The following PALM variants were observed in gnomAD, a reference collection of about 807,000 sequenced individuals.
The protein encoded by PALM is paralemmin, also known as paralemmin-1.
Under a neutral mutation model 30.7 loss-of-function variants are expected in PALM, and 18 were observed. That is an observed-to-expected ratio of 0.59 (90% CI 0.41 to 0.87). The LOEUF (loss-of-function observed/expected upper bound fraction) is 0.87. Among genes scored for constraint, PALM ranks in the 40% least tolerant of loss-of-function variants. The probability of loss-of-function intolerance (pLI) is 0.00; values close to 1 mark genes in which losing one functional copy is unlikely to be tolerated. For missense variants in PALM, 529 were observed against 555.4 expected (o/e 0.95, Z 0.48); for synonymous variants, 286 against 242.8 (o/e 1.18, Z -1.66).
chr19:716,988 G>T (rs2032284598), intron 1 of PALM, among the ~76,000 whole-genome samples: 1 of 151,632 alleles, frequency 6.6e-6, no homozygotes, highest in Admixed American at 6.6e-5. Context: ...GGAGTGCAGT[G>T]ACGTAATCCC....
Position 746,882 on chromosome 19 carries a change from C to A in PALM, c.*68C>A. 1 of 891,768 alleles carries A rather than the reference C, an allele frequency of 1.1e-6. No homozygotes were observed. Among genetic ancestry groups the A allele is most frequent in the South Asian group, 1.7e-5 (1 of 58,620 alleles). 55.2% of individuals were successfully genotyped at this position (891,768 alleles called of 1,614,324 possible). ...CCCACCAGCCCGGCCCCTCCCGGCG[C>A]CTGCCCACCCTCCACCCACAGCCTC... is the stretch of plus-strand genomic sequence containing the variant. On this transcript the variant is annotated 3_prime_UTR_variant, in exon 9 of 9. Coordinates refer to ENST00000338448, the MANE Select transcript of PALM (RefSeq NM_002579.3). The surrounding 1 kb of genome is among the most constrained non-coding windows in gnomAD (Gnocchi z 7.1).
intron 4 of PALM, among the ~76,000 whole-genome samples, chr19:728,230 A>G (rs1283779831): frequency 1.3e-5 from 2 of 152,106 alleles, no homozygotes; most frequent in Non-Finnish European, 2.9e-5. Context: ...GGGGGCTGGG[A>G]CCAAAGGCCT....
At chr19:739,352 G>T (rs2033119031) in intron 7 of PALM, among the ~76,000 whole-genome samples, 1 of 152,142 alleles carries the variant, frequency 6.6e-6, no homozygotes, top group Non-Finnish European at 1.5e-5. Flanking sequence ...CCCGGGCAAG[G>T]CAGGATCTCT....
intron 1 of PALM, among the ~76,000 whole-genome samples, chr19:720,257 C>T (rs1185664451): frequency 1.3e-5 from 2 of 151,872 alleles, no homozygotes; most frequent in African/African-American, 2.4e-5. Context: ...GCGGTTGCCA[C>T]GGCGACCGCC....
rs541240594 is a variant in PALM at position 742,709 on chromosome 19, C to T, written c.634+2226C>T. ...TGGGCGTGACGTCCCCAAGGTGCAT[C>T]GGCACTGTGGCCTGGGTCGGAGCCT... On this transcript the variant is annotated intron_variant, in intron 8 of 8. Transcript: ENST00000338448. The surrounding 1 kb of genome is among the most constrained non-coding windows in gnomAD (Gnocchi z 5.5). 7.9e-5 allele frequency among the ~76,000 whole-genome samples: 12 copies of T among 152,190 alleles called. No homozygotes were observed. The highest frequency in any genetic ancestry group is 2.6e-4 in the Admixed American group (4 of 15,294).
chr19:738,090 C>T (rs966961559), intron 7 of PALM, among the ~76,000 whole-genome samples: 4 of 152,060 alleles, frequency 2.6e-5, no homozygotes, highest in Non-Finnish European at 5.9e-5. Context: ...TGAGGAGAAA[C>T]GAGGTGTCAG....
intron 4 of PALM, among the ~76,000 whole-genome samples, chr19:730,845 C>G (rs1043737509): frequency 6.6e-6 from 1 of 151,954 alleles, no homozygotes; most frequent in African/African-American, 2.4e-5. Context: ...GCTAAAAATA[C>G]AAAAAATTAG....
At position 715,656 on chromosome 19, in the gene PALM, G is replaced by A. The variant is rs138831128; in HGVS notation, c.5+6505G>A. 2.2e-4 allele frequency among the ~76,000 whole-genome samples: 34 copies of A among 152,338 alleles called. No individual in the cohort carries two copies. The East Asian group carries it at 6.4e-3, about 29-fold the overall frequency. ...GTGCCAGGATGGGGAGTCATGGATAGTGTGTGAGCAGGGGAGGAGCAGTGG... is the reference window on the plus strand; with the variant it reads ...GTGCCAGGATGGGGAGTCATGGATAATGTGTGAGCAGGGGAGGAGCAGTGG... On this transcript the variant is annotated intron_variant, in intron 1 of 8. Coordinates refer to ENST00000338448, the MANE Select transcript of PALM (RefSeq NM_002579.3).
chr19:737,582 G>T (rs893704099), intron 7 of PALM, among the ~76,000 whole-genome samples: 2 of 152,094 alleles, frequency 1.3e-5, no homozygotes, highest in African/African-American at 4.8e-5. Flanking sequence ...TTCAACGTAA[G>T]AGGTGACGTC....
chr19:746,755 A>G lies in PALM; in HGVS notation c.1105A>G (p.Ser369Gly), dbSNP rs757005982. Residue 369 changes from serine (S) to glycine (G), a missense_variant, in exon 9 of 9, where the codon AGC (serine) becomes GGC (glycine). Transcript: ENST00000338448. This position sits in a 1 kb window ranked among gnomAD's most constrained non-coding sequence, Gnocchi z 7.1. ...TCAGGCGGGGCCCGAGGCCACCACC[A>G]GCGACCCCCAGGACCTCGACATGAA... ...ENQAGPEATT[S>G]DPQDLDMKKH... The G allele has an allele frequency of 6.3e-7, 1 of 1,595,282 alleles. No individual in the cohort carries two copies. The highest frequency in any genetic ancestry group is 1.7e-5 in the Admixed American group (1 of 58,364).
In PALM at chr19:726,531, G is replaced by T. The variant is rs561409517; in HGVS notation, c.57+342G>T. On this transcript the variant is annotated intron_variant, in intron 2 of 8. Transcript: ENST00000338448. ...ATCTTGGTGGCCTCTGGCCCAAGAA[G>T]GCCCTCTTGGTGTCCGCAGACCCCT... Among the ~76,000 whole-genome samples the T allele has an allele frequency of 3.3e-5, 5 of 152,302 alleles. No individual in the cohort carries two copies. The South Asian group carries it at 1.0e-3, about 32-fold the overall frequency.
At chr19:716,897 T>C (rs1320094962) in intron 1 of PALM, among the ~76,000 whole-genome samples, 12 of 152,094 alleles carry the variant, frequency 7.9e-5, no homozygotes, top group Admixed American at 7.9e-4. Context: ...CTGCTTAAAG[T>C]GTACAGCTCA....
chr19:740,243 G>A lies in PALM; in HGVS notation c.503-109G>A, dbSNP rs375128363. The A allele has an allele frequency of 3.1e-5, 35 of 1,139,326 alleles. No homozygotes were observed. The East Asian group carries it at 3.6e-4, about 12-fold the overall frequency. 70.6% of individuals were successfully genotyped at this position (1,139,326 alleles called of 1,614,324 possible). A position where few individuals can be genotyped will look rare whatever the true frequency, so the allele number is the denominator to read the frequency against. ...CATCCCCGGCTCCGCCTGCCCCATCGCTGCTTGGCTCTGCGCTGCTGGCTC... is the reference window on the plus strand; with the variant it reads ...CATCCCCGGCTCCGCCTGCCCCATCACTGCTTGGCTCTGCGCTGCTGGCTC... On this transcript the variant is annotated intron_variant, in intron 7 of 8. Transcript: ENST00000338448.
At position 746,857 on chromosome 19, in the gene PALM, C is replaced by G. The variant is rs1315171826; in HGVS notation, c.*43C>G. The G allele has an allele frequency of 8.1e-7, 1 of 1,242,164 alleles. No individual in the cohort carries two copies. Among genetic ancestry groups the G allele is most frequent in the Non-Finnish European group, 1.1e-6 (1 of 908,028 alleles). The allele number at this position is 1,242,164 out of a possible 1,614,324, so 76.9% of individuals were successfully genotyped here. ...CGGCCCCCACCCCACACCACAGACA[C>G]CCACCAGCCCGGCCCCTCCCGGCGC... On this transcript the variant is annotated 3_prime_UTR_variant, in exon 9 of 9. Coordinates refer to ENST00000338448, the MANE Select transcript of PALM (RefSeq NM_002579.3). The surrounding 1 kb of genome is among the most constrained non-coding windows in gnomAD (Gnocchi z 7.1).
intron 8 of PALM, among the ~76,000 whole-genome samples, chr19:745,491 T>G (rs572897011): frequency 2.0e-5 from 3 of 149,514 alleles, no homozygotes; most frequent in South Asian, 2.1e-4. Context: ...GTCAGGAGTT[T>G]GAGACCAGCC....
intron 1 of PALM, among the ~76,000 whole-genome samples, chr19:716,227 C>T (rs1343018921): frequency 6.6e-6 from 1 of 152,042 alleles, no homozygotes; most frequent in African/African-American, 2.4e-5. Flanking sequence ...GCCTGGTCAA[C>T]ATGGTGAAAC....
At position 746,720 on chromosome 19, in the gene PALM, G is replaced by A; in HGVS notation, c.1070G>A (p.Arg357Lys). 2 of 1,606,760 alleles carry A rather than the reference G, an allele frequency of 1.2e-6. No individual in the cohort carries two copies. The highest frequency in any genetic ancestry group is 1.7e-6 in the Non-Finnish European group (2 of 1,177,606). ...GAGCCTCCCACGGAGGCCGCCTCCA[G>A]GGAAGAGAATCAGGCGGGGCCCGAG... The part of the protein sequence containing the change: ...AAEPPTEAAS[R>K]EENQAGPEAT... Residue 357 changes from arginine (R) to lysine (K), a missense_variant, in exon 9 of 9, where the codon AGG (arginine) becomes AAG (lysine). Coordinates refer to ENST00000338448, the MANE Select transcript of PALM (RefSeq NM_002579.3). This position sits in a 1 kb window ranked among gnomAD's most constrained non-coding sequence, Gnocchi z 7.1.
intron 6 of PALM, chr19:735,226 G>T (rs112643320): frequency 7.4e-6 from 1 of 135,504 alleles, no homozygotes. Context: ...TCTGGGTGGG[G>T]TCTGTGTGTC....
intron 8 of PALM, among the ~76,000 whole-genome samples, chr19:740,836 G>A (rs1050049117): frequency 4.6e-5 from 7 of 152,086 alleles, no homozygotes; most frequent in Admixed American, 1.3e-4. Flanking sequence ...TAAATAATTC[G>A]TTTAAATAAT....
Sources: allele counts gnomAD v4.1 joint callset (sites outside exome capture counted in the v4.1 genomes callset), GRCh38; gene constraint gnomAD v4.1.1; non-coding constraint Gnocchi (gnomAD v3.1); transcripts MANE v1.5; gene names NCBI Gene and HGNC (gene_info 2026-07-23, HGNC 2026-07-21).